PARD3: variants seen among roughly 807,000 people sequenced by gnomAD.
PARD3 encodes par-3 family cell polarity regulator, also known as partitioning defective 3 homolog.
PARD3 carries 75 observed loss-of-function variants against 155.4 expected under a neutral mutation model. That is an observed-to-expected ratio of 0.48 (90% confidence interval 0.40 to 0.58). The LOEUF (loss-of-function observed/expected upper bound fraction) is 0.58. Ranked by LOEUF, PARD3 falls within the 20% of genes least tolerant of loss-of-function variation. PARD3 has a pLI of 0.00. For missense variants in PARD3, 1,642 were observed against 1,721.7 expected (o/e 0.95, Z 0.82); for synonymous variants, 576 against 610.5 (o/e 0.94, Z 0.83).
chr10:34,317,866 A>ATCTAC (rs1958106403), intron 19 of PARD3, among the ~76,000 whole-genome samples: 1 of 152,220 alleles, frequency 6.6e-6, no homozygotes, highest in Admixed American at 6.5e-5. Flanking sequence ...GCTCACACAG[A>ATCTAC]AGAGCAGATT....
intron 15 of PARD3, chr10:34,344,784 G>C: frequency 1.0e-6 from 1 of 985,272 alleles, no homozygotes; most frequent in Non-Finnish European, 1.2e-6. Flanking sequence ...TCACAATCCT[G>C]TCTGACCCCA....
chr10:34,211,166 T>C (rs544973906), intron 22 of PARD3, among the ~76,000 whole-genome samples: 1 of 152,314 alleles, frequency 6.6e-6, no homozygotes, highest in South Asian at 2.1e-4. Flanking sequence ...GGACCCTTCA[T>C]TCTTGCATTT....
At chr10:34,496,085 C>T (rs2080264585) in intron 3 of PARD3, among the ~76,000 whole-genome samples, 1 of 151,722 alleles carries the variant, frequency 6.6e-6, no homozygotes. Context: ...GCCTGTAGTC[C>T]CAGCTACTTG....
intron 1 of PARD3, among the ~76,000 whole-genome samples, chr10:34,784,114 G>A (rs568292483): frequency 6.6e-6 from 1 of 152,254 alleles, no homozygotes; most frequent in Non-Finnish European, 1.5e-5. Context: ...GGGAGGCTGA[G>A]GCAGGAGGAT....
chr10:34,190,082 G>A (rs60236984), intron 22 of PARD3, among the ~76,000 whole-genome samples: 4,906 of 152,294 alleles, frequency 0.032, 272 homozygotes, highest in African/African-American at 0.11. Context: ...GGGCAAAAGG[G>A]CTATTGGAGG....
At chr10:34,356,137 A>G (rs1838853380) in intron 14 of PARD3, among the ~76,000 whole-genome samples, 1 of 152,116 alleles carries the variant, frequency 6.6e-6, no homozygotes, top group South Asian at 2.1e-4. Context: ...AAGGCTAAGC[A>G]AAATAGGCTA....
intron 2 of PARD3, among the ~76,000 whole-genome samples, chr10:34,539,709 G>T (rs1416856486): frequency 1.3e-5 from 2 of 152,302 alleles, no homozygotes; most frequent in African/African-American, 4.8e-5. Flanking sequence ...TTACTACTCT[G>T]TGTGGCCTTG....
At chr10:34,597,833 G>A (rs1020007833) in intron 2 of PARD3, among the ~76,000 whole-genome samples, 17 of 152,164 alleles carry the variant, frequency 1.1e-4, no homozygotes, top group African/African-American at 3.9e-4. Flanking sequence ...TCCAGAAGCA[G>A]GAGGGCGAAC....
At chr10:34,741,586 G>A (rs1373182962) in intron 1 of PARD3, among the ~76,000 whole-genome samples, 1 of 152,188 alleles carries the variant, frequency 6.6e-6, no homozygotes, top group African/African-American at 2.4e-5. Flanking sequence ...AGAAGCGACA[G>A]CCCCTGTGCA....
At chr10:34,425,234 G>C (rs780969132) in intron 5 of PARD3, among the ~76,000 whole-genome samples, 1 of 151,936 alleles carries the variant, frequency 6.6e-6, no homozygotes, top group Non-Finnish European at 1.5e-5. Flanking sequence ...TTTAATGAAT[G>C]AAACATTCAT....
At chr10:34,309,017 G>A (rs1487722573) in intron 20 of PARD3, among the ~76,000 whole-genome samples, 1 of 152,118 alleles carries the variant, frequency 6.6e-6, no homozygotes, top group South Asian at 2.1e-4. Flanking sequence ...AATGGACCCC[G>A]ACTTCCCAAG....
intron 2 of PARD3, among the ~76,000 whole-genome samples, chr10:34,523,190 C>T (rs549859357): frequency 2.0e-5 from 3 of 152,308 alleles, no homozygotes; most frequent in African/African-American, 7.2e-5. Context: ...ATTCTACCCT[C>T]ATACAGGAAA....
intron 22 of PARD3, among the ~76,000 whole-genome samples, chr10:34,202,434 G>A (rs79864446): frequency 0.02 from 3,057 of 152,226 alleles, 105 homozygotes; most frequent in East Asian, 0.15. Flanking sequence ...TTACAGATAA[G>A]AGGTGTGAAA....
At chr10:34,663,361 G>A (rs989501110) in intron 2 of PARD3, among the ~76,000 whole-genome samples, 1 of 152,072 alleles carries the variant, frequency 6.6e-6, no homozygotes. Flanking sequence ...AGCTACTCGG[G>A]AGGCTGAGGC....
intron 2 of PARD3, among the ~76,000 whole-genome samples, chr10:34,692,336 T>C (rs888996112): frequency 1.3e-5 from 2 of 151,660 alleles, no homozygotes; most frequent in African/African-American, 2.4e-5. Context: ...ATTCTGACCA[T>C]AGGTCCTGGA....
intron 1 of PARD3, among the ~76,000 whole-genome samples, chr10:34,778,432 G>C (rs1330146911): frequency 6.6e-6 from 1 of 152,180 alleles, no homozygotes; most frequent in Non-Finnish European, 1.5e-5. Context: ...TGAGCATCAT[G>C]AATGAAGGGG....
chr10:34,791,842 T>A (rs1242200934), intron 1 of PARD3, among the ~76,000 whole-genome samples: 1 of 150,204 alleles, frequency 6.7e-6, no homozygotes, highest in Non-Finnish European at 1.5e-5. Context: ...CCTGCCTCGT[T>A]TAAAAAAAAA....
chr10:34,497,044 A>G (rs1281444934), intron 3 of PARD3, among the ~76,000 whole-genome samples: 1 of 152,176 alleles, frequency 6.6e-6, no homozygotes, highest in African/African-American at 2.4e-5. Flanking sequence ...GTTAGAGCTG[A>G]TAGTTGAGCT....
chr10:34,667,466 G>A (rs1332665136), intron 2 of PARD3, among the ~76,000 whole-genome samples: 1 of 152,190 alleles, frequency 6.6e-6, no homozygotes, highest in East Asian at 1.9e-4. Flanking sequence ...TTACCACGGT[G>A]TTACTGATAG....
Sources: gnomAD v4.1 joint callset for allele counts (sites outside exome capture counted in the v4.1 genomes callset) on GRCh38, gnomAD v4.1.1 for gene constraint, MANE v1.5 for transcripts, NCBI Gene and HGNC (gene_info 2026-07-23, HGNC 2026-07-21) for gene names.